DENND1A: variants seen among roughly 807,000 people sequenced by gnomAD.
The protein encoded by DENND1A is DENN domain-containing protein 1A.
A neutral mutation model predicts 113.7 loss-of-function variants in DENND1A; 51 were observed. The observed-to-expected ratio is 0.45, with a 90% CI of 0.36 to 0.57. The LOEUF (loss-of-function observed/expected upper bound fraction) is 0.57, where lower values mean the gene tolerates loss of function less well. DENND1A is among the 20% of genes least tolerant of loss of function. DENND1A has a pLI of 0.00. For missense variants in DENND1A, 1,258 were observed against 1,395.9 expected (o/e 0.90, Z 1.57); for synonymous variants, 565 against 570.8 (o/e 0.99, Z 0.14).
chr9:123,633,278 A>G (rs1212577413), intron 9 of DENND1A, among the ~76,000 whole-genome samples: 2 of 152,162 alleles, frequency 1.3e-5, no homozygotes, highest in African/African-American at 2.4e-5. Flanking sequence ...GTACAGGAAG[A>G]TCCTGTCCTC....
At chr9:123,773,304 C>T (rs929784243) in intron 3 of DENND1A, among the ~76,000 whole-genome samples, 4 of 152,130 alleles carry the variant, frequency 2.6e-5, no homozygotes, top group Non-Finnish European at 2.9e-5. Flanking sequence ...ACACACCTAA[C>T]GCTGGATACA....
intron 1 of DENND1A, among the ~76,000 whole-genome samples, chr9:123,888,717 GA>G (rs1372728108): frequency 6.6e-6 from 1 of 152,164 alleles, no homozygotes; most frequent in African/African-American, 2.4e-5. Context: ...CAGACTAAAG[GA>G]AACTAAAGAG....
Position 123,403,722 on chromosome 9 carries a change from G to C in DENND1A, c.1543-232C>G, listed in dbSNP as rs541789617. On this transcript the variant is annotated intron_variant, in intron 20 of 23. Transcript: ENST00000394215. ...CAAATCAGAAGGGTGCTCCTGGAAA[G>C]CTCGGTTTCTTCATCTGCAAGATGA... is the stretch of plus-strand genomic sequence containing the variant. 20 of 553,068 alleles carry C rather than the reference G, an allele frequency of 3.6e-5. 1 individual carries two copies. In the South Asian group the frequency reaches 3.7e-4, roughly 10 times the overall value. 34.3% of individuals were successfully genotyped at this position (553,068 alleles called of 1,614,324 possible).
At chr9:123,428,596 G>C (rs2045913684) in intron 19 of DENND1A, among the ~76,000 whole-genome samples, 2 of 152,172 alleles carry the variant, frequency 1.3e-5, no homozygotes, top group Admixed American at 6.5e-5. Context: ...CAAATAGAAA[G>C]ACAGGAAGTC....
intron 1 of DENND1A, among the ~76,000 whole-genome samples, chr9:123,881,059 C>A (rs1848247633): frequency 6.6e-6 from 1 of 152,068 alleles, no homozygotes; most frequent in Admixed American, 6.5e-5. Context: ...GAAACATGGG[C>A]TTTTGCTTTC....
intron 2 of DENND1A, among the ~76,000 whole-genome samples, chr9:123,844,856 T>C (rs139435500): frequency 1.3e-5 from 2 of 152,310 alleles, no homozygotes; most frequent in African/African-American, 4.8e-5. Context: ...TAGTACAGCA[T>C]TAGGATATGA....
At chr9:123,599,778 C>T (rs1055232807) in intron 11 of DENND1A, among the ~76,000 whole-genome samples, 10 of 152,174 alleles carry the variant, frequency 6.6e-5, no homozygotes, top group Non-Finnish European at 1.3e-4. Context: ...TGCCGGATTT[C>T]GGCTTGCTTA....
intron 2 of DENND1A, among the ~76,000 whole-genome samples, chr9:123,858,058 C>CAAAAAAAAA: frequency 2.0e-5 from 1 of 51,044 alleles, no homozygotes; most frequent in Non-Finnish European, 4.1e-5. Flanking sequence ...GACTCCGTCT[C>CAAAAAAAAA]AAAAAAAAAA....
chr9:123,515,538 A>G (rs538795994), intron 13 of DENND1A, among the ~76,000 whole-genome samples: 2 of 152,378 alleles, frequency 1.3e-5, no homozygotes, highest in East Asian at 3.9e-4. Context: ...TTTGTAAAAC[A>G]TTAATTATCA....
intron 11 of DENND1A, among the ~76,000 whole-genome samples, chr9:123,583,888 A>C (rs1248817327): frequency 6.6e-6 from 1 of 152,240 alleles, no homozygotes; most frequent in Non-Finnish European, 1.5e-5. Context: ...AATAGAAAAG[A>C]TGAGGGAAAC....
chr9:123,699,268 T>C (rs1337327563), intron 5 of DENND1A, among the ~76,000 whole-genome samples: 1 of 152,220 alleles, frequency 6.6e-6, no homozygotes, highest in African/African-American at 2.4e-5. Flanking sequence ...CTTAGTATCA[T>C]ATGGTCATTC....
intron 5 of DENND1A, among the ~76,000 whole-genome samples, chr9:123,711,513 G>GTATATATGTATA (rs2066613052): frequency 8.3e-6 from 1 of 121,008 alleles, no homozygotes; most frequent in Non-Finnish European, 1.7e-5. Flanking sequence ...ATGTATATAT[G>GTATATATGTATA]TATATATATA....
intron 13 of DENND1A, among the ~76,000 whole-genome samples, chr9:123,509,663 T>A (rs1470615813): frequency 6.6e-6 from 1 of 152,232 alleles, no homozygotes; most frequent in Non-Finnish European, 1.5e-5. Flanking sequence ...GAACATGAGA[T>A]GAGAGCTTTC....
chr9:123,787,943 C>T (rs1210831887), intron 3 of DENND1A, among the ~76,000 whole-genome samples: 2 of 151,980 alleles, frequency 1.3e-5, no homozygotes, highest in Non-Finnish European at 2.9e-5. Context: ...TGTTTCAGTG[C>T]CAGTGGAAAG....
chr9:123,491,212 A>G (rs548063762), intron 13 of DENND1A, among the ~76,000 whole-genome samples: 1 of 152,358 alleles, frequency 6.6e-6, no homozygotes, highest in South Asian at 2.1e-4. Context: ...AGGTTCCCTG[A>G]CACCAGAAGG....
At chr9:123,854,961 T>C (rs866271273) in intron 2 of DENND1A, among the ~76,000 whole-genome samples, 2 of 151,044 alleles carry the variant, frequency 1.3e-5, no homozygotes, top group African/African-American at 5.0e-5. Flanking sequence ...CTTTTCTACC[T>C]TGCTAAGAAA....
chr9:123,400,737 C>T (rs376910725), intron 21 of DENND1A: 16 of 152,288 alleles, frequency 1.1e-4, no homozygotes, highest in African/African-American at 3.4e-4. Flanking sequence ...TGCGCCACCA[C>T]ACTCGGCTAA....
At chr9:123,398,020 C>T (rs1307944443) in intron 21 of DENND1A, among the ~76,000 whole-genome samples, 5 of 152,226 alleles carry the variant, frequency 3.3e-5, no homozygotes, top group Admixed American at 1.3e-4. Flanking sequence ...GCACTTGGCT[C>T]TGCATGCAGG....
intron 2 of DENND1A, among the ~76,000 whole-genome samples, chr9:123,845,347 T>C (rs1430254878): frequency 6.6e-6 from 1 of 152,144 alleles, no homozygotes; most frequent in Non-Finnish European, 1.5e-5. Flanking sequence ...TCCTTCCTTA[T>C]AAGCATATAT....
Sources: allele counts gnomAD v4.1 joint callset (sites outside exome capture counted in the v4.1 genomes callset), GRCh38; gene constraint gnomAD v4.1.1; transcripts MANE v1.5; gene names NCBI Gene and HGNC (gene_info 2026-07-23, HGNC 2026-07-21).